GCSH: variants seen among roughly 807,000 people sequenced by gnomAD.
The protein encoded by GCSH is glycine cleavage system H protein, mitochondrial.
GCSH carries 15 observed loss-of-function variants against 21.3 expected under a neutral mutation model. The ratio of observed to expected loss-of-function variants is 0.70; its 90% CI spans 0.47 to 1.08. The LOEUF (loss-of-function observed/expected upper bound fraction) is 1.08. Ranked by LOEUF, GCSH falls within the 50% of genes least tolerant of loss-of-function variation. GCSH has a pLI of 0.00. For synonymous variants in GCSH, 59 were observed against 84.5 expected (o/e 0.70, Z 1.66); for missense variants, 179 against 217.5 (o/e 0.82, Z 1.11).
intron 1 of GCSH, among the ~76,000 whole-genome samples, 164 bp downstream of exon 1, chr16:81,095,967 G>A (rs1427050207): frequency 6.6e-6 from 1 of 151,816 alleles, no homozygotes; most frequent in Non-Finnish European, 1.5e-5. Flanking sequence ...AGAAGCGGCC[G>A]CAGAGCCAGG....
intron 1 of GCSH, among the ~76,000 whole-genome samples, chr16:81,093,483 T>C (rs1434397078): frequency 6.6e-6 from 1 of 152,094 alleles, no homozygotes; most frequent in Non-Finnish European, 1.5e-5. Flanking sequence ...CTCAAACATT[T>C]GGGTGTAAAG....
rs368496535 is a variant in GCSH, at chr16:81,095,868, C to A, written c.148+263G>T. On this transcript the variant is annotated intron_variant, in intron 1 of 4. Transcript: ENST00000315467. ...CCCGCCGGACCCGCCGGGCCACCCC[C>A]GCCTCGGTGTCCCGCAGGCCTCCCC... Among the ~76,000 whole-genome samples, 22 of 152,270 alleles carry A rather than the reference C, an allele frequency of 1.4e-4. No individual in the cohort carries two copies. In the East Asian group the frequency reaches 1.5e-3, roughly 11 times the overall value.
intron 3 of GCSH, 36 bp downstream of exon 3, chr16:81,087,565 T>A (rs760753079): frequency 7.3e-5 from 103 of 1,402,366 alleles, no homozygotes; most frequent in Non-Finnish European, 1.0e-4. Flanking sequence ...ACAAAATTCA[T>A]GGCATGGATC....
intron 3 of GCSH, among the ~76,000 whole-genome samples, chr16:81,086,880 T>C (rs1265856283): frequency 6.9e-6 from 1 of 144,836 alleles, no homozygotes; most frequent in Admixed American, 7.1e-5. Context: ...AGGTCATCTA[T>C]TTGACTAGGA....
intron 3 of GCSH, among the ~76,000 whole-genome samples, chr16:81,087,100 C>G (rs928160688): frequency 1.3e-5 from 2 of 151,972 alleles, no homozygotes; most frequent in Non-Finnish European, 2.9e-5. Flanking sequence ...GAGTCTTGCT[C>G]TGTTGCCCAG....
At position 81,082,983 on chromosome 16, in the gene GCSH, T is replaced by G; in HGVS notation, c.425-20A>C. ...GCCAACCTGCAACCAAAAGACAACC[T>G]TATATTCCACATTAACTTTTTAAAA... On this transcript the variant is annotated intron_variant, in intron 4 of 4. Transcript: ENST00000315467. 1.4e-6 allele frequency: 2 copies of G among 1,422,020 alleles called. No homozygotes were observed. Among genetic ancestry groups the G allele is most frequent in the Non-Finnish European group, 2.0e-6 (2 of 1,004,646 alleles). The allele number at this position is 1,422,020 out of a possible 1,614,324, so 88.1% of individuals were successfully genotyped here.
In GCSH at chr16:81,096,365, G is replaced by A. The variant is rs372830976; in HGVS notation, c.-87C>T. 235 of 1,112,220 alleles carry A rather than the reference G, an allele frequency of 2.1e-4. No individual in the cohort carries two copies. The African/African-American group carries it at 2.9e-3, about 14-fold the overall frequency. 68.9% of individuals were successfully genotyped at this position (1,112,220 alleles called of 1,614,324 possible). On this transcript the variant is annotated 5_prime_UTR_variant, in exon 1 of 5. Transcript: ENST00000315467. ...GGGGAGGGGCAGTTCGCGGCCGGAG[G>A]GAGCCGGCTGGATGGAGGCGCGGAG...
In GCSH at chr16:81,096,310, G is replaced by A. The variant is rs1972510669; in HGVS notation, c.-32C>T. 4 of 1,350,812 alleles carry A rather than the reference G, an allele frequency of 3.0e-6. No individual in the cohort carries two copies. Among genetic ancestry groups the A allele is most frequent in the Admixed American group, 3.8e-5 (1 of 26,260 alleles). The allele number at this position is 1,350,812 out of a possible 1,614,324, so 83.7% of individuals were successfully genotyped here. A position where few individuals can be genotyped will look rare whatever the true frequency, so the allele number is the denominator to read the frequency against. On this transcript the variant is annotated 5_prime_UTR_variant, in exon 1 of 5. Coordinates refer to ENST00000315467, the MANE Select transcript of GCSH (RefSeq NM_004483.5). ...AGGGGTGCGGGGGTCGCAGCGCTAC[G>A]CCTCGGCCACCCGCGCCGGGAGGCG...
chr16:81,084,902 AGACGGGGTTTCACTGT>A (rs1972241049), intron 3 of GCSH, among the ~76,000 whole-genome samples: 1 of 150,520 alleles, frequency 6.6e-6, no homozygotes, highest in South Asian at 2.1e-4. Context: ...TTTGTAGTAG[AGACGGGGTTTCACTGT>A]GTTAGCTAGG....
intron 2 of GCSH, among the ~76,000 whole-genome samples, chr16:81,088,506 C>A (rs1299050954): frequency 1.3e-5 from 2 of 152,290 alleles, no homozygotes; most frequent in East Asian, 1.9e-4. Context: ...TCAAGCGATT[C>A]TCCTGCCTCA....
chr16:81,094,247 G>A (rs1016088012), intron 1 of GCSH, among the ~76,000 whole-genome samples: 6 of 152,082 alleles, frequency 3.9e-5, no homozygotes, highest in South Asian at 2.1e-4. Flanking sequence ...TTTTGGCCTC[G>A]GAAAATTAGG....
chr16:81,094,169 G>A (rs1174817193), intron 1 of GCSH, among the ~76,000 whole-genome samples: 1 of 152,072 alleles, frequency 6.6e-6, no homozygotes, highest in Non-Finnish European at 1.5e-5. Flanking sequence ...CAAAGTGCTG[G>A]GATTAAAGGC....
chr16:81,096,145 G>T lies in GCSH; in HGVS notation c.134C>A (p.Pro45His). The change falls in exon 1 of 5, where the codon CCC becomes CAC. Residue 45 changes from proline (P) to histidine (H), a missense_variant. By Grantham distance (77) the Pro-to-His change is moderately conservative. Coordinates refer to ENST00000315467, the MANE Select transcript of GCSH (RefSeq NM_004483.5). ...VGAVRTLRTG[P>H]ALLSVRKFTE... ...GCCGCGCTTACCCGAGAGCAGAGCG[G>T]GTCCAGTGCGCAGCGTACGGACGGC... 1.5e-6 allele frequency: 2 copies of T among 1,297,204 alleles called. No homozygotes were observed. The highest frequency in any genetic ancestry group is 1.9e-6 in the Non-Finnish European group (2 of 1,027,282). 80.4% of individuals were successfully genotyped at this position (1,297,204 alleles called of 1,614,324 possible). A position where few individuals can be genotyped will look rare whatever the true frequency, so the allele number is the denominator to read the frequency against.
Position 81,082,893 on chromosome 16 carries a change from C to T in GCSH, c.495G>A (p.Glu165=). 1 of 1,363,520 alleles carries T rather than the reference C, an allele frequency of 7.3e-7. No individual in the cohort carries two copies. Among genetic ancestry groups the T allele is most frequent in the Non-Finnish European group, 1.1e-6 (1 of 951,950 alleles). 84.5% of individuals were successfully genotyped at this position (1,363,520 alleles called of 1,614,324 possible). The change falls in exon 5 of 5, where the codon GAG becomes GAA. Residue 165 remains glutamate, a synonymous_variant. Transcript: ENST00000315467. ...LDELMSEEAY[E]KYIKSIEE ...ACTCCTCAATAGATTTTATGTATTT[C>T]TCATATGCTTCTTCACTCATAAGTT...
At chr16:81,087,784 G>A (rs945594398) in intron 2 of GCSH, 120 bp from the exon 3 acceptor site, 12 of 740,368 alleles carry the variant, frequency 1.6e-5, no homozygotes, top group Non-Finnish European at 2.8e-5. Flanking sequence ...TTTTATACTG[G>A]AGGGGCTACA....
Position 81,096,139 on chromosome 16 carries a change from A to T in GCSH, c.140T>A (p.Leu47Gln). 2.4e-6 allele frequency: 3 copies of T among 1,271,074 alleles called. No homozygotes were observed. Among genetic ancestry groups the T allele is most frequent in the Non-Finnish European group, 3.0e-6 (3 of 1,009,698 alleles). 78.7% of individuals were successfully genotyped at this position (1,271,074 alleles called of 1,614,324 possible). The change falls in exon 1 of 5, where the codon CTG becomes CAG. Residue 47 changes from leucine (L) to glutamine (Q), a missense_variant. Coordinates refer to ENST00000315467, the MANE Select transcript of GCSH (RefSeq NM_004483.5). ...AVRTLRTGPA[L>Q]LSVRKFTEKH... ...GTGCCCGCCGCGCTTACCCGAGAGC[A>T]GAGCGGGTCCAGTGCGCAGCGTACG... is the stretch of plus-strand genomic sequence containing the variant.
intron 1 of GCSH, among the ~76,000 whole-genome samples, chr16:81,092,754 AC>A (rs1567590038): frequency 7.0e-6 from 1 of 143,418 alleles, no homozygotes; most frequent in African/African-American, 3.0e-5. Context: ...AAAAAAACAA[AC>A]AAAAAAAATC....
At position 81,084,550 on chromosome 16, in the gene GCSH, A is replaced by C. The variant is rs898915772; in HGVS notation, c.337T>G (p.Tyr113Asp). The change falls in exon 4 of 5, where the codon TAT (tyrosine) becomes GAT (aspartate). Residue 113 changes from tyrosine to aspartate, a missense_variant. Coordinates refer to ENST00000315467, the MANE Select transcript of GCSH (RefSeq NM_004483.5). ...GTTACTTCTCCTGATAAAGGAGAAT[A>C]GAGTTCACTAGCAGCTTTCACACTT... ...LESVKAASEL[Y>D]SPLSGEVTEI... The C allele has an allele frequency of 2.5e-6, 4 of 1,596,652 alleles. No individual in the cohort carries two copies. The African/African-American group carries it at 5.4e-5, about 21-fold the overall frequency.
intron 3 of GCSH, 112 bp from the exon 4 acceptor site, chr16:81,084,706 A>G: frequency 2.5e-6 from 2 of 814,956 alleles, no homozygotes; most frequent in Non-Finnish European, 3.9e-6. Context: ...TAAAATTCCA[A>G]ATTTCTTTTT....
Sources: allele counts gnomAD v4.1 joint callset (sites outside exome capture counted in the v4.1 genomes callset), GRCh38; gene constraint gnomAD v4.1.1; transcripts MANE v1.5; gene names NCBI Gene and HGNC (gene_info 2026-07-23, HGNC 2026-07-21).